SLC16A2: variants seen among roughly 807,000 people sequenced by gnomAD.
The protein encoded by SLC16A2 is solute carrier family 16 member 2.
In SLC16A2, 3 loss-of-function variants were observed where a neutral mutation model predicts 27.2. The observed-to-expected ratio is 0.11, with a 90% CI of 0.05 to 0.28. The LOEUF (loss-of-function observed/expected upper bound fraction) is 0.28. Among genes scored for constraint, SLC16A2 ranks in the 10% least tolerant of loss-of-function variants. The pLI is 1.00. For missense variants in SLC16A2, 295 were observed against 458.5 expected, an observed-to-expected ratio of 0.64 and a Z score of 3.26; for synonymous variants, 202 against 187.8, an observed-to-expected ratio of 1.08 and a Z score of -0.62.
chrX:74,469,857 A>G (rs937184168), intron 1 of SLC16A2, among the ~76,000 whole-genome samples: 1 of 111,565 alleles, frequency 9.0e-6, no homozygotes, highest in African/African-American at 3.3e-5. Flanking sequence ...CATAATTTAC[A>G]TTAGGTTCAC....
At chrX:74,453,909 T>C (rs901936897) in intron 1 of SLC16A2, among the ~76,000 whole-genome samples, 5 of 112,166 alleles carry the variant, frequency 4.5e-5, no homozygotes, top group Non-Finnish European at 9.4e-5. Flanking sequence ...TATGGGGTAC[T>C]TGTGATATTT....
At chrX:74,485,175 C>A (rs1320194124) in intron 1 of SLC16A2, among the ~76,000 whole-genome samples, 4 of 100,821 alleles carry the variant, frequency 4.0e-5, no homozygotes, top group Non-Finnish European at 7.9e-5. Flanking sequence ...GAGATCGCAC[C>A]ATTGCACTCC....
intron 3 of SLC16A2, 32 bp downstream of exon 3, chrX:74,524,841 T>C: frequency 1.7e-6 from 2 of 1,160,376 alleles, no homozygotes; most frequent in Admixed American, 2.2e-5. Context: ...CCACCCCACC[T>C]GGCCCCAAGA....
chrX:74,492,146 G>A (rs1412086275), intron 1 of SLC16A2, among the ~76,000 whole-genome samples: 1 of 111,492 alleles, frequency 9.0e-6, no homozygotes, highest in Non-Finnish European at 1.9e-5. Flanking sequence ...GGGAGCAAGT[G>A]AGGCCACTCC....
chrX:74,525,282 C>G (rs1406907884), intron 3 of SLC16A2, among the ~76,000 whole-genome samples: 1 of 111,975 alleles, frequency 8.9e-6, no homozygotes, highest in Non-Finnish European at 1.9e-5. Flanking sequence ...ACTCACCATC[C>G]ACCAAACTTA....
intron 1 of SLC16A2, among the ~76,000 whole-genome samples, chrX:74,519,043 T>A (rs1040365747): frequency 1.8e-5 from 2 of 112,535 alleles, no homozygotes; most frequent in Non-Finnish European, 3.7e-5. Context: ...GGAAGATTTG[T>A]CTCCTATATG....
intron 1 of SLC16A2, among the ~76,000 whole-genome samples, chrX:74,440,026 A>G (rs986583317): frequency 2.7e-5 from 3 of 111,682 alleles, no homozygotes; most frequent in Non-Finnish European, 5.6e-5. Context: ...TTGGAACAAA[A>G]AAGAATTCCT....
At chrX:74,528,242 TG>T (rs1930514946) in intron 4 of SLC16A2, among the ~76,000 whole-genome samples, 2 of 111,418 alleles carry the variant, frequency 1.8e-5, no homozygotes, top group African/African-American at 6.5e-5. Context: ...CTGGCTCTAC[TG>T]GCTGCAGGGG....
chrX:74,487,828 A>G (rs1174404081), intron 1 of SLC16A2, among the ~76,000 whole-genome samples: 1 of 110,952 alleles, frequency 9.0e-6, no homozygotes, highest in Non-Finnish European at 1.9e-5. Context: ...ATTTAGTTTT[A>G]TCTGTATACT....
chrX:74,434,823 T>G (rs1439257381), intron 1 of SLC16A2, among the ~76,000 whole-genome samples: 3 of 105,222 alleles, frequency 2.9e-5, no homozygotes, highest in Non-Finnish European at 5.9e-5. Context: ...TTTGTTTTTT[T>G]TTTTTTTTTT....
chrX:74,421,775 GC>G lies in SLC16A2; in HGVS notation c.143del (p.Pro48ArgfsTer36). On this transcript the variant is annotated frameshift_variant, in exon 1 of 6. Transcript: ENST00000587091. LOFTEE classifies it high-confidence loss of function. ...PEPEPEPVPV[P>X]PPEPQPEPQP... ...AGCCCGAGCCCGAGCCCGTGCCAGTGCCCCCGCCCGAGCCCCAGCCGGAGCC... is the reference window on the plus strand; with the variant it reads ...AGCCCGAGCCCGAGCCCGTGCCAGTGCCCCGCCCGAGCCCCAGCCGGAGCC... 1.8e-6 allele frequency: 2 copies of G among 1,142,390 alleles called. No individual in the cohort carries two copies. The highest frequency in any genetic ancestry group is 1.2e-6 in the Non-Finnish European group (1 of 855,556). The allele number at this position is 1,142,390 out of a possible 1,213,427, so 94.1% of individuals were successfully genotyped here.
At chrX:74,452,954 T>C (rs761022967) in intron 1 of SLC16A2, among the ~76,000 whole-genome samples, 5 of 111,529 alleles carry the variant, frequency 4.5e-5, no homozygotes, top group Non-Finnish European at 9.4e-5. Flanking sequence ...TTGGTACTCA[T>C]TGAACTTACA....
intron 1 of SLC16A2, among the ~76,000 whole-genome samples, chrX:74,470,040 C>T (rs1229929223): frequency 9.0e-6 from 1 of 111,719 alleles, no homozygotes. Context: ...TTTGCTTTTT[C>T]CAGAATATCA....
chrX:74,527,305 T>C (rs759565830), intron 4 of SLC16A2, among the ~76,000 whole-genome samples: 1 of 112,647 alleles, frequency 8.9e-6, no homozygotes, highest in Non-Finnish European at 1.9e-5. Context: ...CATCAACTAG[T>C]AGTTGAACTT....
intron 1 of SLC16A2, among the ~76,000 whole-genome samples, chrX:74,492,332 A>C: frequency 9.0e-6 from 1 of 111,309 alleles, no homozygotes; most frequent in South Asian, 3.9e-4. Flanking sequence ...GAAAAAGTAC[A>C]TTCTAAGGGT....
chrX:74,508,018 G>A (rs1032886648), intron 1 of SLC16A2, among the ~76,000 whole-genome samples: 8 of 111,699 alleles, frequency 7.2e-5, no homozygotes, highest in Non-Finnish European at 1.3e-4. Context: ...TCTAGCAGTG[G>A]GATTGCTGGG....
intron 1 of SLC16A2, among the ~76,000 whole-genome samples, chrX:74,494,152 T>C (rs1311295281): frequency 8.9e-6 from 1 of 112,377 alleles, no homozygotes; most frequent in Non-Finnish European, 1.9e-5. Flanking sequence ...TGCTCACACT[T>C]TGGATACAAG....
intron 1 of SLC16A2, among the ~76,000 whole-genome samples, chrX:74,465,716 T>C (rs1035001182): frequency 9.0e-6 from 1 of 111,427 alleles, no homozygotes; most frequent in East Asian, 2.8e-4. Flanking sequence ...GGGGTGACAA[T>C]TCCAGGGAAA....
chrX:74,524,240 G>C, intron 2 of SLC16A2, 119 bp from the exon 3 acceptor site: 2 of 718,722 alleles, frequency 2.8e-6, no homozygotes, highest in South Asian at 4.5e-5. Context: ...CTGAGGGTCA[G>C]TGGCAAGTGG....
Sources: gnomAD v4.1 joint callset for allele counts (sites outside exome capture counted in the v4.1 genomes callset) on GRCh38, gnomAD v4.1.1 for gene constraint, MANE v1.5 for transcripts, NCBI Gene and HGNC (gene_info 2026-07-23, HGNC 2026-07-21) for gene names.